Variants in AGBL4 observed in about 807,000 individuals in gnomAD.
The protein encoded by AGBL4 is cytosolic carboxypeptidase 6.
Under a neutral mutation model 66.4 loss-of-function variants are expected in AGBL4, and 58 were observed. The ratio of observed to expected loss-of-function variants is 0.87; its 90% confidence interval spans 0.71 to 1.09. The LOEUF is 1.09. Among genes scored for constraint, AGBL4 ranks in the 50% least tolerant of loss-of-function variants. The probability of loss-of-function intolerance (pLI) is 0.00; values close to 1 mark genes in which losing one functional copy is unlikely to be tolerated. For missense variants in AGBL4, 579 were observed against 631.0 expected (o/e 0.92, Z 0.88); for synonymous variants, 234 against 222.9 (o/e 1.05, Z -0.44).
intron 6 of AGBL4, among the ~76,000 whole-genome samples, chr1:48,669,972 CATT>C (rs1324286277): frequency 6.6e-6 from 1 of 152,168 alleles, no homozygotes; most frequent in African/African-American, 2.4e-5. Flanking sequence ...GTAGTAGACT[CATT>C]ATGCTTCAGG....
chr1:48,925,086 A>G (rs1441602620), intron 5 of AGBL4, among the ~76,000 whole-genome samples: 2 of 151,820 alleles, frequency 1.3e-5, no homozygotes, highest in Non-Finnish European at 2.9e-5. Context: ...CCACCATTAT[A>G]AAGTCAAAAA....
At chr1:49,078,619 C>A (rs1473059708) in intron 4 of AGBL4, among the ~76,000 whole-genome samples, 1 of 152,150 alleles carries the variant, frequency 6.6e-6, no homozygotes, top group Admixed American at 6.6e-5. Flanking sequence ...ACTAGCTCTC[C>A]CCTAGACCAC....
chr1:48,810,538 C>A (rs1414397020), intron 6 of AGBL4, among the ~76,000 whole-genome samples: 1 of 152,184 alleles, frequency 6.6e-6, no homozygotes, highest in African/African-American at 2.4e-5. Context: ...ACTTCACCTC[C>A]CTGAATCTCA....
intron 5 of AGBL4, among the ~76,000 whole-genome samples, chr1:49,006,191 G>C (rs1351949017): frequency 6.6e-6 from 1 of 152,186 alleles, no homozygotes; most frequent in African/African-American, 2.4e-5. Flanking sequence ...AGCCAAAGCA[G>C]GGTGAGGCAT....
At chr1:49,880,258 T>A (rs1007963542) in intron 1 of AGBL4, among the ~76,000 whole-genome samples, 16 of 152,054 alleles carry the variant, frequency 1.1e-4, no homozygotes, top group African/African-American at 3.6e-4. Flanking sequence ...AGTTTCCAGA[T>A]TTTCTGTTCT....
At chr1:48,565,350 T>C (rs1382401426) in intron 11 of AGBL4, among the ~76,000 whole-genome samples, 2 of 152,126 alleles carry the variant, frequency 1.3e-5, no homozygotes, top group Admixed American at 1.3e-4. Context: ...TAAACGCAGA[T>C]GGGACAGGAA....
chr1:48,732,471 T>G (rs780913327), intron 6 of AGBL4, among the ~76,000 whole-genome samples: 1 of 151,644 alleles, frequency 6.6e-6, no homozygotes, highest in Non-Finnish European at 1.5e-5. Flanking sequence ...GAAAGAAAAT[T>G]AACAAGTAAA....
intron 3 of AGBL4, among the ~76,000 whole-genome samples, chr1:49,526,784 T>C (rs548699943): frequency 6.6e-6 from 1 of 152,284 alleles, no homozygotes; most frequent in Admixed American, 6.5e-5. Context: ...AGTTATTCTG[T>C]CTGGAAGAGA....
intron 1 of AGBL4, among the ~76,000 whole-genome samples, chr1:49,873,847 A>G (rs984868745): frequency 6.6e-6 from 1 of 152,176 alleles, no homozygotes; most frequent in South Asian, 2.1e-4. Context: ...AAAACAAAAC[A>G]AACAAATACC....
At chr1:49,765,603 A>C (rs2147871553) in intron 2 of AGBL4, among the ~76,000 whole-genome samples, 1 of 152,258 alleles carries the variant, frequency 6.6e-6, no homozygotes, top group Admixed American at 6.5e-5. Flanking sequence ...CTCTAACCAA[A>C]ATGCAAACTA....
chr1:48,956,886 A>T (rs761658693), intron 5 of AGBL4, among the ~76,000 whole-genome samples: 6 of 152,204 alleles, frequency 3.9e-5, no homozygotes, highest in Non-Finnish European at 8.8e-5. Context: ...CTTGGGTTTG[A>T]TGCTTTATAG....
chr1:48,758,320 G>C (rs1226789535), intron 6 of AGBL4, among the ~76,000 whole-genome samples: 1 of 152,072 alleles, frequency 6.6e-6, no homozygotes, highest in Non-Finnish European at 1.5e-5. Flanking sequence ...ATTCCTCTTA[G>C]TGTGCTCCAG....
At position 49,420,985 on chromosome 1, in the gene AGBL4, C is replaced by T. The variant is rs1645534073; in HGVS notation, c.283-175121G>A. Among the ~76,000 whole-genome samples the T allele has an allele frequency of 2.6e-5, 4 of 152,134 alleles. No individual in the cohort carries two copies. The South Asian group carries it at 8.3e-4, about 31-fold the overall frequency. ...AGAGGTACAGAGCAATGCTAGAACA[C>T]AAGTAAGTCTCTCAATGCTTAGATC... On this transcript the variant is annotated intron_variant, in intron 3 of 13. Transcript: ENST00000371839.
chr1:49,498,698 G>C (rs1228771208), intron 3 of AGBL4, among the ~76,000 whole-genome samples: 1 of 151,742 alleles, frequency 6.6e-6, no homozygotes, highest in Middle Eastern at 3.2e-3. Context: ...TGATGATAGA[G>C]GTGCATTGGT....
At chr1:49,960,152 T>G (rs1372740947) in intron 1 of AGBL4, among the ~76,000 whole-genome samples, 1 of 151,986 alleles carries the variant, frequency 6.6e-6, no homozygotes, top group South Asian at 2.1e-4. Context: ...CCTGCACATG[T>G]ACCCCTGAAC....
intron 3 of AGBL4, among the ~76,000 whole-genome samples, chr1:49,603,662 C>T (rs1645008325): frequency 6.6e-6 from 1 of 152,088 alleles, no homozygotes; most frequent in Non-Finnish European, 1.5e-5. Flanking sequence ...CATGTCATTA[C>T]ATTACAAGTG....
chr1:49,180,251 T>G (rs1255782064), intron 4 of AGBL4, among the ~76,000 whole-genome samples: 1 of 152,200 alleles, frequency 6.6e-6, no homozygotes. Context: ...ACAATAATAG[T>G]ACCAATCTCA....
chr1:49,692,154 A>G (rs1024607860), intron 3 of AGBL4, among the ~76,000 whole-genome samples: 1 of 152,144 alleles, frequency 6.6e-6, no homozygotes, highest in Non-Finnish European at 1.5e-5. Flanking sequence ...CTCTTTACTT[A>G]ACATTGTCTT....
intron 1 of AGBL4, among the ~76,000 whole-genome samples, chr1:49,890,473 G>C (rs1041283567): frequency 2.0e-5 from 3 of 151,998 alleles, no homozygotes; most frequent in African/African-American, 7.2e-5. Flanking sequence ...GAAAAAAAAA[G>C]TCAAAATCTC....
Sources: gnomAD v4.1 joint callset for allele counts (sites outside exome capture counted in the v4.1 genomes callset) on GRCh38, gnomAD v4.1.1 for gene constraint, MANE v1.5 for transcripts, NCBI Gene and HGNC (gene_info 2026-07-23, HGNC 2026-07-21) for gene names.